The following PTPRM variants were observed in gnomAD, a reference collection of about 807,000 sequenced individuals.
The protein encoded by PTPRM is protein tyrosine phosphatase receptor type M.
A neutral mutation model predicts 186.7 loss-of-function variants in PTPRM; 47 were observed. That is an observed-to-expected ratio of 0.25 (90% confidence interval 0.20 to 0.32). The LOEUF (loss-of-function observed/expected upper bound fraction) is 0.32, where lower values mean the gene tolerates loss of function less well. Among genes scored for constraint, PTPRM ranks in the 10% least tolerant of loss-of-function variants. PTPRM has a pLI of 1.00. For synonymous variants in PTPRM, 668 were observed against 674.9 expected (o/e 0.99, Z 0.16); for missense variants, 1,494 against 1,865.0 (o/e 0.80, Z 3.66).
chr18:8,271,457 CTA>C (rs1423710426), intron 19 of PTPRM, among the ~76,000 whole-genome samples: 4 of 151,912 alleles, frequency 2.6e-5, no homozygotes, highest in Non-Finnish European at 5.9e-5. Context: ...ATAGGCGAGT[CTA>C]ATCTGTTAGT....
intron 1 of PTPRM, among the ~76,000 whole-genome samples, chr18:7,772,450 CTTCCTT>C (rs1345116537): frequency 3.7e-4 from 10 of 27,014 alleles, no homozygotes; most frequent in African/African-American, 4.4e-4. Context: ...CTTCCCCTTC[CTTCCTT>C]CCTTCCTTCC....
intron 14 of PTPRM, among the ~76,000 whole-genome samples, chr18:8,222,472 A>G (rs529116458): frequency 1.2e-4 from 19 of 152,286 alleles, no homozygotes; most frequent in African/African-American, 4.3e-4. Context: ...AAGATTTTAC[A>G]AAGTTTCCAT....
At chr18:8,026,715 A>C (rs2085593759) in intron 7 of PTPRM, among the ~76,000 whole-genome samples, 1 of 152,024 alleles carries the variant, frequency 6.6e-6, no homozygotes, top group East Asian at 1.9e-4. Context: ...AAAATTAGCC[A>C]GGTGTGGTGG....
At position 7,706,723 on chromosome 18, in the gene PTPRM, A is replaced by G. The variant is rs531196131; in HGVS notation, c.74-67426A>G. On this transcript the variant is annotated intron_variant, in intron 1 of 32. Coordinates refer to ENST00000580170, the MANE Select transcript of PTPRM (RefSeq NM_001105244.2). ...GAGGGATGGACTATCCCAGCGGAAC[A>G]CAATGAAAAGTATACCTTGTTCTTG... Among the ~76,000 whole-genome samples the G allele has an allele frequency of 1.6e-4, 25 of 151,986 alleles. No individual in the cohort carries two copies. In the East Asian group the frequency reaches 4.4e-3, roughly 27 times the overall value.
chr18:7,834,051 G>C (rs1360866132), intron 2 of PTPRM, among the ~76,000 whole-genome samples: 6 of 152,016 alleles, frequency 3.9e-5, no homozygotes. Flanking sequence ...TCTTTAATAT[G>C]ATACTAGCTG....
chr18:7,921,480 A>G (rs1247163919), intron 4 of PTPRM, among the ~76,000 whole-genome samples: 1 of 151,124 alleles, frequency 6.6e-6, no homozygotes, highest in Admixed American at 6.6e-5. Context: ...TCCCGGGTAC[A>G]TGCCATTCTC....
In PTPRM at chr18:8,314,886, T is replaced by C. The variant is rs367952856; in HGVS notation, c.2919+29T>C. ...TGTATTTTATTATTTTTAATTGATA[T>C]ATAATTGTTGTACATATTTGGGTGC... On this transcript the variant is annotated intron_variant, in intron 21 of 32. Transcript: ENST00000580170. 1.4e-5 allele frequency: 20 copies of C among 1,423,024 alleles called. No individual in the cohort carries two copies. In the African/African-American group the frequency reaches 2.7e-4, roughly 19 times the overall value. The allele number at this position is 1,423,024 out of a possible 1,614,324, so 88.1% of individuals were successfully genotyped here. A position where few individuals can be genotyped will look rare whatever the true frequency, so the allele number is the denominator to read the frequency against.
intron 7 of PTPRM, among the ~76,000 whole-genome samples, chr18:7,974,335 G>A (rs2054787250): frequency 6.6e-6 from 1 of 152,176 alleles, no homozygotes; most frequent in South Asian, 2.1e-4. Context: ...CAGCTTTCTA[G>A]TTTCTAAAGT....
intron 7 of PTPRM, among the ~76,000 whole-genome samples, chr18:8,016,285 T>C (rs2084852848): frequency 6.6e-6 from 1 of 152,124 alleles, no homozygotes; most frequent in Non-Finnish European, 1.5e-5. Context: ...TTTGTGAGGC[T>C]GAGGCGAGTG....
In PTPRM at chr18:7,855,050, G is replaced by A. The variant is rs568470088; in HGVS notation, c.197-33056G>A. 2.0e-4 allele frequency among the ~76,000 whole-genome samples: 30 copies of A among 152,192 alleles called. No homozygotes were observed. The Middle Eastern group carries it at 0.014, about 69-fold the overall frequency. ...AAAGGCTTCCAGGGGAGAATTTACC[G>A]CTCTATTTACTATGAGGATATTCTT... On this transcript the variant is annotated intron_variant, in intron 2 of 32. Transcript: ENST00000580170.
chr18:7,987,860 T>C (rs2083046930), intron 7 of PTPRM, among the ~76,000 whole-genome samples: 4 of 152,216 alleles, frequency 2.6e-5, no homozygotes, highest in Admixed American at 2.0e-4. Context: ...TTTCTTGATA[T>C]CTTCACAAAC....
intron 1 of PTPRM, among the ~76,000 whole-genome samples, chr18:7,764,959 C>T (rs951951851): frequency 5.3e-5 from 8 of 152,296 alleles, no homozygotes; most frequent in African/African-American, 1.4e-4. Context: ...GATAGATTCA[C>T]ATTTATGCAG....
At chr18:8,171,371 A>G (rs1026333661) in intron 14 of PTPRM, among the ~76,000 whole-genome samples, 1 of 152,178 alleles carries the variant, frequency 6.6e-6, no homozygotes, top group Non-Finnish European at 1.5e-5. Flanking sequence ...TAGTTTTTCA[A>G]TAGATTGAAC....
intron 23 of PTPRM, among the ~76,000 whole-genome samples, chr18:8,343,780 C>T (rs1598378988): frequency 6.6e-6 from 1 of 152,294 alleles, no homozygotes; most frequent in East Asian, 1.9e-4. Context: ...ATTGAGAGCA[C>T]AAAAATACCT....
intron 1 of PTPRM, among the ~76,000 whole-genome samples, chr18:7,619,874 T>G (rs1190887194): frequency 1.3e-5 from 2 of 152,156 alleles, no homozygotes; most frequent in Admixed American, 1.3e-4. Context: ...GCAGGAAAGC[T>G]CGTGCTTGTT....
At chr18:8,380,888 ACAGGTAGAGATCGTCATGCAGGG>A (rs1376161712) in intron 29 of PTPRM, among the ~76,000 whole-genome samples, 3 of 152,156 alleles carry the variant, frequency 2.0e-5, no homozygotes, top group East Asian at 1.9e-4. Context: ...CCGGGAGCCT[ACAGGTAGAGATCGTCATGCAGGG>A]CAGGTAGAGA....
chr18:7,573,483 A>T (rs1277443382), intron 1 of PTPRM, among the ~76,000 whole-genome samples: 1 of 152,144 alleles, frequency 6.6e-6, no homozygotes, highest in Non-Finnish European at 1.5e-5. Context: ...GGTGATTCTG[A>T]TGTCCACGAC....
chr18:7,816,562 T>A (rs2044837001), intron 2 of PTPRM, among the ~76,000 whole-genome samples: 1 of 152,158 alleles, frequency 6.6e-6, no homozygotes, highest in South Asian at 2.1e-4. Flanking sequence ...TGAGGTCAAT[T>A]TTTTTAATAT....
intron 7 of PTPRM, among the ~76,000 whole-genome samples, chr18:7,973,431 T>C (rs2147335714): frequency 6.6e-6 from 1 of 152,328 alleles, no homozygotes; most frequent in African/African-American, 2.4e-5. Flanking sequence ...AAAATCAATT[T>C]ATTGGTTTTT....
Sources: gnomAD v4.1 joint callset for allele counts (sites outside exome capture counted in the v4.1 genomes callset) on GRCh38, gnomAD v4.1.1 for gene constraint, MANE v1.5 for transcripts, NCBI Gene and HGNC (gene_info 2026-07-23, HGNC 2026-07-21) for gene names.